Variants in OPRK1 observed in about 807,000 individuals in gnomAD.
OPRK1 encodes the protein kappa-type opioid receptor.
OPRK1 carries 15 observed loss-of-function variants against 24.5 expected under a neutral mutation model. The observed-to-expected ratio is 0.61, with a 90% CI of 0.41 to 0.94. The LOEUF (loss-of-function observed/expected upper bound fraction) is 0.94. Among genes scored for constraint, OPRK1 ranks in the 40% least tolerant of loss-of-function variants. The pLI is 0.00. For synonymous variants in OPRK1, 205 were observed against 198.0 expected (o/e 1.04, Z -0.30); for missense variants, 479 against 507.3 (o/e 0.94, Z 0.54).
rs746340965 is a variant in OPRK1, at chr8:53,234,841, C to G, written c.528G>C (p.Lys176Asn). The change falls in exon 3 of 4, where the codon AAG (lysine) becomes AAC (asparagine). Residue 176 changes from lysine (K) to asparagine (N), a missense_variant. Lys to Asn is a moderately conservative substitution (Grantham distance 94, BLOSUM62 0). Coordinates refer to ENST00000265572, the MANE Select transcript of OPRK1 (RefSeq NM_000912.5). ...ALDFRTPLKA[K>N]IINICIWLLS... ...GCAGCCAGATGCAGATATTGATGAT[C>G]TTTGCCTTCAAGGGTGTGCGGAAGT... The G allele has an allele frequency of 6.2e-7, 1 of 1,614,230 alleles. No homozygotes were observed. The highest frequency in any genetic ancestry group is 1.1e-5 in the South Asian group (1 of 91,090).
chr8:53,228,634 G>A lies in OPRK1; in HGVS notation c.*663C>T, dbSNP rs972127752. On this transcript the variant is annotated 3_prime_UTR_variant, in exon 4 of 4. Transcript: ENST00000265572. The stretch of plus-strand genomic sequence containing the variant: ...GAATAGCATGCTAAGAAAAAAAACT[G>A]TAGTTTTTGGGAAATTAAACCATGT... 1 of 152,274 alleles carries A rather than the reference G, an allele frequency of 6.6e-6. No homozygotes were observed. Among genetic ancestry groups the A allele is most frequent in the Non-Finnish European group, 1.5e-5 (1 of 68,038 alleles). 9.4% of individuals were successfully genotyped at this position (152,274 alleles called of 1,614,324 possible). A position where few individuals can be genotyped will look rare whatever the true frequency, so the allele number is the denominator to read the frequency against.
At chr8:53,247,231 G>T (rs1391844357) in intron 2 of OPRK1, among the ~76,000 whole-genome samples, 4 of 152,176 alleles carry the variant, frequency 2.6e-5, no homozygotes, top group Admixed American at 1.3e-4. Context: ...TGGAAAGAAA[G>T]AATCCAAATG....
At chr8:53,242,805 C>G (rs968234924) in intron 2 of OPRK1, 1 of 1,239,748 alleles carries the variant, frequency 8.1e-7, no homozygotes. Context: ...CGCGCCCGGC[C>G]ACTCCAGCCA....
At chr8:53,245,751 C>T (rs1252618595) in intron 2 of OPRK1, among the ~76,000 whole-genome samples, 3 of 152,158 alleles carry the variant, frequency 2.0e-5, no homozygotes, top group South Asian at 2.1e-4. Flanking sequence ...GGTTTTCAAA[C>T]ACTCATCTCG....
Position 53,235,387 on chromosome 8 carries a change from C to T in OPRK1, c.258-276G>A, listed in dbSNP as rs191497622. 8.5e-5 allele frequency among the ~76,000 whole-genome samples: 13 copies of T among 152,294 alleles called. No homozygotes were observed. The East Asian group carries it at 2.3e-3, about 27-fold the overall frequency. Reference sequence around the variant, plus strand: ...GAGATAGATGAATAGACATATAGATCTAGCATTGCATATAATACAGATCTT... The same window carrying T: ...GAGATAGATGAATAGACATATAGATTTAGCATTGCATATAATACAGATCTT... On this transcript the variant is annotated intron_variant, in intron 2 of 3. Transcript: ENST00000265572.
At chr8:53,243,472 A>C (rs2128809872) in intron 2 of OPRK1, among the ~76,000 whole-genome samples, 1 of 152,332 alleles carries the variant, frequency 6.6e-6, no homozygotes, top group South Asian at 2.1e-4. Flanking sequence ...AGTCTATTAA[A>C]GTTTAGGACC....
rs201531788 is a variant in OPRK1 at position 53,225,945 on chromosome 8, C to T, written c.*3352G>A. The T allele has an allele frequency of 1.2e-4, 19 of 152,200 alleles. No individual in the cohort carries two copies. The highest frequency in any genetic ancestry group is 2.2e-4 in the Non-Finnish European group (15 of 68,028). The allele number at this position is 152,200 out of a possible 1,614,324, so 9.4% of individuals were successfully genotyped here. ...TTTATACTGAATCATCCGAACAGCT[C>T]TTGGTTAGAAAATAAATCTCATTGA... is the stretch of plus-strand genomic sequence containing the variant. On this transcript the variant is annotated 3_prime_UTR_variant, in exon 4 of 4. Coordinates refer to ENST00000265572, the MANE Select transcript of OPRK1 (RefSeq NM_000912.5).
chr8:53,228,885 T>A lies in OPRK1; in HGVS notation c.*412A>T, dbSNP rs201522293. Reference sequence around the variant, plus strand: ...AGGTTGTTGCTGTCATTGTGAAACATCTGGATTGGATGCCCATTGAGCTCT... The same window carrying A: ...AGGTTGTTGCTGTCATTGTGAAACAACTGGATTGGATGCCCATTGAGCTCT... On this transcript the variant is annotated 3_prime_UTR_variant, in exon 4 of 4. Coordinates refer to ENST00000265572, the MANE Select transcript of OPRK1 (RefSeq NM_000912.5). 1.8e-5 allele frequency: 3 copies of A among 162,938 alleles called. No individual in the cohort carries two copies. The highest frequency in any genetic ancestry group is 5.8e-5 in the Admixed American group (1 of 17,114). The allele number at this position is 162,938 out of a possible 1,614,324, so 10.1% of individuals were successfully genotyped here. A position where few individuals can be genotyped will look rare whatever the true frequency, so the allele number is the denominator to read the frequency against.
At chr8:53,234,496 C>T (rs1313026785) in intron 3 of OPRK1, among the ~76,000 whole-genome samples, 5 of 152,174 alleles carry the variant, frequency 3.3e-5, no homozygotes, top group Non-Finnish European at 7.3e-5. Flanking sequence ...ATCCTCACCC[C>T]TCCACTTTCT....
chr8:53,232,887 T>TAC (rs965677418), intron 3 of OPRK1, among the ~76,000 whole-genome samples: 4 of 152,218 alleles, frequency 2.6e-5, no homozygotes, highest in Non-Finnish European at 5.9e-5. Flanking sequence ...CCTCACATAA[T>TAC]ACACACACAT....
chr8:53,250,756 A>C (rs757016849), intron 2 of OPRK1, 25 bp downstream of exon 2: 1 of 1,573,390 alleles, frequency 6.4e-7, no homozygotes. Context: ...CCCAGCCCCC[A>C]GCGCTGCGCT....
At chr8:53,234,715 T>C in intron 3 of OPRK1, 44 bp downstream of exon 3, 3 of 1,527,766 alleles carry the variant, frequency 2.0e-6, no homozygotes, top group African/African-American at 1.4e-5. Flanking sequence ...TCTATGTAAT[T>C]TGAAGCTACA....
chr8:53,233,820 C>T (rs909500880), intron 3 of OPRK1, among the ~76,000 whole-genome samples: 4 of 152,244 alleles, frequency 2.6e-5, no homozygotes, highest in Admixed American at 2.6e-4. Flanking sequence ...GGGTGGGATG[C>T]AGGCAGCAGT....
chr8:53,227,369 G>A lies in OPRK1; in HGVS notation c.*1928C>T, dbSNP rs1050530669. ...ACTTTGCACTGGAAAGGAATCTGAC[G>A]AGAAAGTCTCTTGGGTTTTCCTGTT... On this transcript the variant is annotated 3_prime_UTR_variant, in exon 4 of 4. Transcript: ENST00000265572. 2.0e-5 allele frequency: 3 copies of A among 152,002 alleles called. No homozygotes were observed. Among genetic ancestry groups the A allele is most frequent in the South Asian group, 2.1e-4 (1 of 4,810 alleles). 9.4% of individuals were successfully genotyped at this position (152,002 alleles called of 1,614,324 possible). A position where few individuals can be genotyped will look rare whatever the true frequency, so the allele number is the denominator to read the frequency against.
Position 53,234,860 on chromosome 8 carries a change from C to A in OPRK1, c.509G>T (p.Arg170Leu), listed in dbSNP as rs894364145. 6.2e-7 allele frequency: 1 copy of A among 1,614,162 alleles called. No individual in the cohort carries two copies. ...VCHPVKALDF[R>L]TPLKAKIINI... Reference sequence around the variant, plus strand: ...GATGATCTTTGCCTTCAAGGGTGTGCGGAAGTCCAAAGCCTTCACGGGGTG... The same window carrying A: ...GATGATCTTTGCCTTCAAGGGTGTGAGGAAGTCCAAAGCCTTCACGGGGTG... The change falls in exon 3 of 4, where the codon CGC (arginine) becomes CTC (leucine). Residue 170 changes from arginine to leucine, a missense_variant. By Grantham distance (102) the Arg-to-Leu change is moderately radical. Transcript: ENST00000265572.
intron 2 of OPRK1, among the ~76,000 whole-genome samples, chr8:53,244,678 C>T (rs1807189759): frequency 6.6e-6 from 1 of 152,170 alleles, no homozygotes; most frequent in African/African-American, 2.4e-5. Flanking sequence ...CTTGTTTATC[C>T]TTATAATTAA....
rs545765502 is a variant in OPRK1, at chr8:53,228,708, A to G, written c.*589T>C. 6.6e-6 allele frequency: 1 copy of G among 152,338 alleles called. No homozygotes were observed. Among genetic ancestry groups the G allele is most frequent in the East Asian group, 1.9e-4 (1 of 5,184 alleles). The allele number at this position is 152,338 out of a possible 1,614,324, so 9.4% of individuals were successfully genotyped here. On this transcript the variant is annotated 3_prime_UTR_variant, in exon 4 of 4. Coordinates refer to ENST00000265572, the MANE Select transcript of OPRK1 (RefSeq NM_000912.5). The stretch of plus-strand genomic sequence containing the variant: ...AAATAATTTCATAAATAGCAAGATA[A>G]TGTTCTGGTATAAGTGAACATCAGA...
rs1806811275 is a variant in OPRK1, at chr8:53,229,817, A to T, written c.623T>A (p.Ile208Asn). ...ATCTGGGAACTGCAAGGAGCACTCA[A>T]TGACATCGACGTCTGGAGGAGGGCA... is the stretch of plus-strand genomic sequence containing the variant. ...GTKVREDVDV[I>N]ECSLQFPDDD... The change falls in exon 4 of 4, where the codon ATT becomes AAT. Residue 208 changes from isoleucine (I) to asparagine (N), a missense_variant. Physicochemically the swap from Ile to Asn is moderately radical, Grantham distance 149. Coordinates refer to ENST00000265572, the MANE Select transcript of OPRK1 (RefSeq NM_000912.5). 1 of 1,564,508 alleles carries T rather than the reference A, an allele frequency of 6.4e-7. No individual in the cohort carries two copies. Among genetic ancestry groups the T allele is most frequent in the Admixed American group, 1.9e-5 (1 of 51,976 alleles).
chr8:53,229,601 A>G lies in OPRK1; in HGVS notation c.839T>C (p.Val280Ala). The G allele has an allele frequency of 6.2e-7, 1 of 1,613,748 alleles. No individual in the cohort carries two copies. Among genetic ancestry groups the G allele is most frequent in the Non-Finnish European group, 8.5e-7 (1 of 1,179,676 alleles). The stretch of plus-strand genomic sequence containing the variant: ...AGTCCAGCAGACGACGAAGACTGCC[A>G]CCACCACCAGGACCAGTCTGGTGAT... ...RRITRLVLVV[V>A]AVFVVCWTPI... The change falls in exon 4 of 4, where the codon GTG becomes GCG. Residue 280 changes from valine to alanine, a missense_variant. By Grantham distance (64) the Val-to-Ala change is moderately conservative. Transcript: ENST00000265572.
Sources: allele counts gnomAD v4.1 joint callset (sites outside exome capture counted in the v4.1 genomes callset), GRCh38; gene constraint gnomAD v4.1.1; transcripts MANE v1.5; gene names NCBI Gene and HGNC (gene_info 2026-07-23, HGNC 2026-07-21).